LRRK1: variants seen among roughly 807,000 people sequenced by gnomAD.
LRRK1 encodes the protein leucine rich repeat kinase 1.
In LRRK1, 113 loss-of-function variants were observed where a neutral mutation model predicts 209.1. That is an observed-to-expected ratio of 0.54 (90% CI 0.46 to 0.63). The LOEUF (loss-of-function observed/expected upper bound fraction) is 0.63, where lower values mean the gene tolerates loss of function less well. Ranked by LOEUF, LRRK1 falls within the 30% of genes least tolerant of loss-of-function variation. The probability of loss-of-function intolerance (pLI) is 0.00; values close to 1 mark genes in which losing one functional copy is unlikely to be tolerated. For synonymous variants in LRRK1, 1,144 were observed against 1,099.7 expected, an observed-to-expected ratio of 1.04 and a Z score of -0.80; for missense variants, 2,284 against 2,632.2, an observed-to-expected ratio of 0.87 and a Z score of 2.89.
rs201930346 is a variant in LRRK1, at chr15:101,057,963, T to C, written c.4528-27T>C. On this transcript the variant is annotated intron_variant, in intron 28 of 33. Transcript: ENST00000388948. The stretch of plus-strand genomic sequence containing the variant: ...CCAATCCGGTTGTAAGTGACCTTGC[T>C]CTCTTCTGGTGGCTTCTCTCCCTCA... The C allele has an allele frequency of 2.4e-5, 39 of 1,613,298 alleles. 1 individual carries two copies. The Middle Eastern group carries it at 1.2e-3, about 48-fold the overall frequency.
rs189415087 is a variant in LRRK1 at position 100,969,002 on chromosome 15, G to A, written c.98-4802G>A. On this transcript the variant is annotated intron_variant, in intron 2 of 33. Coordinates refer to ENST00000388948, the MANE Select transcript of LRRK1 (RefSeq NM_024652.6). ...ACTACAGGTGTGCACCACCATGCCCGGCTAATTTTTAAAATGTTTTGTAGA... is the reference window on the plus strand; with the variant it reads ...ACTACAGGTGTGCACCACCATGCCCAGCTAATTTTTAAAATGTTTTGTAGA... Among the ~76,000 whole-genome samples, 12 of 152,032 alleles carry A rather than the reference G, an allele frequency of 7.9e-5. No homozygotes were observed. The East Asian group carries it at 9.7e-4, about 12-fold the overall frequency.
chr15:101,028,918 G>A (rs763059501), intron 19 of LRRK1, 38 bp from the exon 20 acceptor site: 1 of 1,605,252 alleles, frequency 6.2e-7, no homozygotes, highest in East Asian at 2.2e-5. Flanking sequence ...TCGCTCCTTT[G>A]TCTAACTGCT....
intron 2 of LRRK1, among the ~76,000 whole-genome samples, chr15:100,972,363 A>AGAGAGAGAGAGAGAGAGTGTGTGT (rs1176201849): frequency 1.0e-5 from 1 of 98,474 alleles, no homozygotes; most frequent in Non-Finnish European, 1.9e-5. Context: ...AGAGAGAGAG[A>AGAGAGAGAGAGAGAGAGTGTGTGT]GTGTGTGTGT....
In LRRK1 at chr15:100,937,362, T is replaced by C. The variant is rs145792824; in HGVS notation, c.97+12633T>C. Among the ~76,000 whole-genome samples, 568 of 152,254 alleles carry C rather than the reference T, an allele frequency of 3.7e-3. 6 individuals carry two copies. Among genetic ancestry groups the C allele is most frequent in the African/African-American group, 0.012 (494 of 41,566 alleles). On this transcript the variant is annotated intron_variant, in intron 2 of 33. Coordinates refer to ENST00000388948, the MANE Select transcript of LRRK1 (RefSeq NM_024652.6). ...GCCGTCTCTTCCAAAGAATCAGGGC[T>C]ACTATTTAGTTCCCCTTTTTTATTG...
intron 11 of LRRK1, 46 bp downstream of exon 11, chr15:101,014,474 GGGCCAC>G (rs1356733468): frequency 7.6e-7 from 1 of 1,320,818 alleles, no homozygotes; most frequent in Non-Finnish European, 1.1e-6. Flanking sequence ...AGCGTGTGTG[GGGCCAC>G]GGTCGAGCAG....
At chr15:100,939,364 T>C (rs540598052) in intron 2 of LRRK1, among the ~76,000 whole-genome samples, 99 of 152,358 alleles carry the variant, frequency 6.5e-4, no homozygotes, top group African/African-American at 2.2e-3. Flanking sequence ...TGCATTTCTA[T>C]GTGTGGCCTG....
intron 12 of LRRK1, among the ~76,000 whole-genome samples, 194 bp downstream of exon 12, chr15:101,015,596 C>T (rs2141701287): frequency 6.6e-6 from 1 of 152,340 alleles, no homozygotes; most frequent in East Asian, 1.9e-4. Flanking sequence ...ACGTGTGACA[C>T]GCAAGTATCC....
chr15:100,973,391 C>A (rs1050002402), intron 2 of LRRK1, among the ~76,000 whole-genome samples: 2 of 152,226 alleles, frequency 1.3e-5, no homozygotes, highest in African/African-American at 4.8e-5. Context: ...GATGTCCACA[C>A]CCCCGGGAGG....
At position 101,070,993 on chromosome 15, in the gene LRRK1, A is replaced by G. The variant is rs965803486; in HGVS notation, c.*2145A>G. On this transcript the variant is annotated 3_prime_UTR_variant, in exon 34 of 34. Coordinates refer to ENST00000388948, the MANE Select transcript of LRRK1 (RefSeq NM_024652.6). ...TAAGAAACAGAAAACCGGAAAGGCA[A>G]ACAGGTTAAGGGCATGGGCAGCAAT... 2.0e-5 allele frequency: 3 copies of G among 152,258 alleles called. No homozygotes were observed. The highest frequency in any genetic ancestry group is 7.2e-5 in the African/African-American group (3 of 41,456). 9.4% of individuals were successfully genotyped at this position (152,258 alleles called of 1,614,324 possible). A position where few individuals can be genotyped will look rare whatever the true frequency, so the allele number is the denominator to read the frequency against.
intron 2 of LRRK1, among the ~76,000 whole-genome samples, chr15:100,935,414 C>T (rs555623425): frequency 3.3e-5 from 5 of 152,282 alleles, no homozygotes; most frequent in South Asian, 2.1e-4. Flanking sequence ...GGAATGAGCT[C>T]GGTAGGTTTG....
At chr15:101,062,474 A>G in intron 30 of LRRK1, 100 bp from the exon 31 acceptor site, 1 of 819,202 alleles carries the variant, frequency 1.2e-6, no homozygotes, top group African/African-American at 1.7e-5. Context: ...CAAGACCCAT[A>G]GGGGATCCCC....
rs1340682276 is a variant in LRRK1 at position 101,012,094 on chromosome 15, T to C, written c.1368T>C (p.Asp456=). 1.9e-6 allele frequency: 3 copies of C among 1,613,526 alleles called. No individual in the cohort carries two copies. In the Admixed American group the frequency reaches 5.0e-5, roughly 27 times the overall value. The part of the protein sequence containing the change: ...VFWKNHLKDV[D]FSENALKEVP... ...GGAAAAATCACCTGAAGGATGTGGA[T>C]TTCTCAGAAAACGCACTCAAAGAAG... is the stretch of plus-strand genomic sequence containing the variant. Residue 456 remains aspartate (D), a synonymous_variant, in exon 10 of 34, where the codon GAT becomes GAC. Coordinates refer to ENST00000388948, the MANE Select transcript of LRRK1 (RefSeq NM_024652.6).
chr15:100,974,197 G>A, intron 3 of LRRK1: 1 of 388,256 alleles, frequency 2.6e-6, no homozygotes, highest in Non-Finnish European at 4.5e-6. Flanking sequence ...GGCCTTTGAG[G>A]GACGGGGGTG....
At chr15:100,953,528 A>G (rs2042696336) in intron 2 of LRRK1, among the ~76,000 whole-genome samples, 1 of 150,678 alleles carries the variant, frequency 6.6e-6, no homozygotes, top group Non-Finnish European at 1.5e-5. Flanking sequence ...ATATATATAT[A>G]TATATACACA....
intron 2 of LRRK1, among the ~76,000 whole-genome samples, chr15:100,937,974 C>G (rs931637041): frequency 6.6e-6 from 1 of 152,208 alleles, no homozygotes; most frequent in East Asian, 1.9e-4. Flanking sequence ...CCTCATCCTC[C>G]TAAGTAGCTG....
At chr15:101,008,809 T>A in intron 6 of LRRK1, 28 bp from the exon 7 acceptor site, 1 of 1,554,904 alleles carries the variant, frequency 6.4e-7, no homozygotes, top group Non-Finnish European at 8.9e-7. Context: ...ACCCTCCACA[T>A]GTGCTTTTCC....
chr15:101,051,297 T>C (rs1008884835), intron 23 of LRRK1, among the ~76,000 whole-genome samples: 2 of 152,250 alleles, frequency 1.3e-5, no homozygotes, highest in African/African-American at 4.8e-5. Flanking sequence ...TTGCCCTTCA[T>C]GGACATTGTA....
chr15:100,949,898 C>G (rs1196408513), intron 2 of LRRK1, among the ~76,000 whole-genome samples: 1 of 151,898 alleles, frequency 6.6e-6, no homozygotes, highest in Non-Finnish European at 1.5e-5. Context: ...AAAAAAAAAC[C>G]CATAACTAAC....
intron 23 of LRRK1, chr15:101,050,652 T>G (rs1367300082): frequency 6.6e-6 from 1 of 152,444 alleles, no homozygotes; most frequent in African/African-American, 2.4e-5. Flanking sequence ...AATGCCTGCA[T>G]CCCAGACAGC....
Sources: allele counts gnomAD v4.1 joint callset (sites outside exome capture counted in the v4.1 genomes callset), GRCh38; gene constraint gnomAD v4.1.1; transcripts MANE v1.5; gene names NCBI Gene and HGNC (gene_info 2026-07-23, HGNC 2026-07-21).